PLPPR4: variants seen among roughly 807,000 people sequenced by gnomAD.
The protein encoded by PLPPR4 is phospholipid phosphatase-related protein type 4.
PLPPR4 carries 24 observed loss-of-function variants against 56.6 expected under a neutral mutation model. That is an observed-to-expected ratio of 0.42 (90% CI 0.31 to 0.60). The LOEUF (loss-of-function observed/expected upper bound fraction) is 0.60. Ranked by LOEUF, PLPPR4 falls within the 20% of genes least tolerant of loss-of-function variation. The probability of loss-of-function intolerance (pLI) is 0.13; values close to 1 mark genes in which losing one functional copy is unlikely to be tolerated. For missense variants in PLPPR4, 654 were observed against 885.8 expected, an observed-to-expected ratio of 0.74 and a Z score of 3.32; for synonymous variants, 326 against 328.1, an observed-to-expected ratio of 0.99 and a Z score of 0.07.
At chr1:99,290,539 A>T (rs1659589129) in intron 2 of PLPPR4, among the ~76,000 whole-genome samples, 1 of 152,200 alleles carries the variant, frequency 6.6e-6, no homozygotes, top group South Asian at 2.1e-4. Flanking sequence ...CCAAGTTCAA[A>T]TTATACTACA....
chr1:99,300,376 G>A (rs1659855548), intron 4 of PLPPR4, among the ~76,000 whole-genome samples: 1 of 151,868 alleles, frequency 6.6e-6, no homozygotes, highest in Admixed American at 6.6e-5. Context: ...ACTACATTTT[G>A]TTAATTTTGT....
intron 1 of PLPPR4, among the ~76,000 whole-genome samples, chr1:99,276,577 T>C (rs891825788): frequency 6.6e-6 from 1 of 152,090 alleles, no homozygotes; most frequent in African/African-American, 2.4e-5. Context: ...GCTTCTCTTA[T>C]GCTATAACTC....
intron 4 of PLPPR4, 58 bp downstream of exon 4, chr1:99,299,288 T>C: frequency 2.3e-6 from 3 of 1,299,512 alleles, no homozygotes; most frequent in Non-Finnish European, 3.3e-6. Context: ...AATTGCTGCT[T>C]GGAGTATCAC....
intron 6 of PLPPR4, among the ~76,000 whole-genome samples, chr1:99,303,010 A>T (rs1659923991): frequency 6.6e-6 from 1 of 152,106 alleles, no homozygotes; most frequent in South Asian, 2.1e-4. Context: ...AATGGTTACA[A>T]CATGTTAAAC....
chr1:99,293,240 TTCAG>T (rs1659667404), intron 2 of PLPPR4, among the ~76,000 whole-genome samples: 1 of 152,198 alleles, frequency 6.6e-6, no homozygotes, highest in South Asian at 2.1e-4. Flanking sequence ...ATATGAATCA[TTCAG>T]TATTTGCTTC....
Position 99,307,193 on chromosome 1 carries a change from G to A in PLPPR4, c.*183G>A. 1 of 668,942 alleles carries A rather than the reference G, an allele frequency of 1.5e-6. No individual in the cohort carries two copies. The highest frequency in any genetic ancestry group is 2.5e-6 in the Non-Finnish European group (1 of 404,494). 41.4% of individuals were successfully genotyped at this position (668,942 alleles called of 1,614,324 possible). On this transcript the variant is annotated 3_prime_UTR_variant, in exon 7 of 7. Transcript: ENST00000370185. Reference sequence around the variant, plus strand: ...GATCTCACATCAAGGAGAGGGAAAAGCACAATGCAAGAACCTAACTAACGT... The same window carrying A: ...GATCTCACATCAAGGAGAGGGAAAAACACAATGCAAGAACCTAACTAACGT...
chr1:99,300,334 A>G lies in PLPPR4; in HGVS notation c.591-575A>G, dbSNP rs78353580. On this transcript the variant is annotated intron_variant, in intron 4 of 6. Transcript: ENST00000370185. ...TTAAACTGTTTAAATAAGATGATCT[A>G]TAATTCTTGAGATGAAATTATTGTA... 5.3e-4 allele frequency among the ~76,000 whole-genome samples: 80 copies of G among 152,150 alleles called. No individual in the cohort carries two copies. In the East Asian group the frequency reaches 0.014, roughly 27 times the overall value.
intron 2 of PLPPR4, among the ~76,000 whole-genome samples, chr1:99,295,101 A>G (rs1342895835): frequency 6.6e-6 from 1 of 152,222 alleles, no homozygotes; most frequent in East Asian, 1.9e-4. Context: ...TTTTTCAAAA[A>G]GTATAAATGG....
chr1:99,288,410 C>A (rs1659527092), intron 2 of PLPPR4, among the ~76,000 whole-genome samples: 1 of 152,032 alleles, frequency 6.6e-6, no homozygotes, highest in Non-Finnish European at 1.5e-5. Flanking sequence ...AGTTTTGTAA[C>A]TTTATAATTC....
intron 1 of PLPPR4, 61 bp downstream of exon 1, chr1:99,264,732 A>G (rs906676147): frequency 3.9e-6 from 6 of 1,528,194 alleles, no homozygotes; most frequent in African/African-American, 1.4e-5. Context: ...GAGCGAATTC[A>G]GGTCCTGGAC....
chr1:99,267,605 G>A (rs1658935595), intron 1 of PLPPR4, among the ~76,000 whole-genome samples: 1 of 152,126 alleles, frequency 6.6e-6, no homozygotes, highest in South Asian at 2.1e-4. Context: ...GATATGGTAG[G>A]CAATCAAGAT....
intron 1 of PLPPR4, among the ~76,000 whole-genome samples, chr1:99,272,828 A>G (rs1468322996): frequency 1.3e-5 from 2 of 152,162 alleles, no homozygotes; most frequent in Non-Finnish European, 2.9e-5. Flanking sequence ...TTCATACATT[A>G]TCTCATCTGA....
At chr1:99,266,749 T>G (rs958266983) in intron 1 of PLPPR4, among the ~76,000 whole-genome samples, 3 of 152,234 alleles carry the variant, frequency 2.0e-5, no homozygotes, top group Non-Finnish European at 4.4e-5. Context: ...GATTGCAAAT[T>G]ATCTTCCTAA....
intron 2 of PLPPR4, among the ~76,000 whole-genome samples, chr1:99,291,456 T>G (rs752566497): frequency 2.0e-5 from 3 of 152,178 alleles, no homozygotes; most frequent in Admixed American, 6.6e-5. Flanking sequence ...AATCATTCTA[T>G]TATAAAGACA....
intron 3 of PLPPR4, 68 bp from the exon 4 acceptor site, chr1:99,298,967 T>A: frequency 9.7e-7 from 1 of 1,028,468 alleles, no homozygotes; most frequent in Non-Finnish European, 1.5e-6. Context: ...TTCACTAATG[T>A]TTAATGAATA....
intron 1 of PLPPR4, among the ~76,000 whole-genome samples, chr1:99,265,591 C>T (rs997613498): frequency 6.6e-6 from 1 of 152,164 alleles, no homozygotes; most frequent in Non-Finnish European, 1.5e-5. Context: ...TTAGGGAAAT[C>T]AGATGGTTTT....
At chr1:99,281,621 A>G (rs1659328244) in intron 1 of PLPPR4, among the ~76,000 whole-genome samples, 1 of 152,178 alleles carries the variant, frequency 6.6e-6, no homozygotes, top group Non-Finnish European at 1.5e-5. Context: ...GGATACCACT[A>G]AAGATCATAC....
At chr1:99,300,635 C>T (rs756542093) in intron 4 of PLPPR4, among the ~76,000 whole-genome samples, 10 of 152,024 alleles carry the variant, frequency 6.6e-5, no homozygotes, top group Non-Finnish European at 1.2e-4. Context: ...TTACTTCAAC[C>T]ATCCTTCTAG....
At position 99,307,181 on chromosome 1, in the gene PLPPR4, G is replaced by A. The variant is rs1331903701; in HGVS notation, c.*171G>A. 1.4e-6 allele frequency: 1 copy of A among 740,442 alleles called. No individual in the cohort carries two copies. Among genetic ancestry groups the A allele is most frequent in the Non-Finnish European group, 2.2e-6 (1 of 462,254 alleles). The allele number at this position is 740,442 out of a possible 1,614,324, so 45.9% of individuals were successfully genotyped here. ...CTCAAACTTGCAGATCTCACATCAA[G>A]GAGAGGGAAAAGCACAATGCAAGAA... On this transcript the variant is annotated 3_prime_UTR_variant, in exon 7 of 7. Coordinates refer to ENST00000370185, the MANE Select transcript of PLPPR4 (RefSeq NM_014839.5).
Sources: gnomAD v4.1 joint callset for allele counts (sites outside exome capture counted in the v4.1 genomes callset) on GRCh38, gnomAD v4.1.1 for gene constraint, MANE v1.5 for transcripts, NCBI Gene and HGNC (gene_info 2026-07-23, HGNC 2026-07-21) for gene names.